The following PFN4 variants were observed in gnomAD, a reference collection of about 807,000 sequenced individuals.
PFN4 encodes profilin family member 4.
In PFN4, 10 loss-of-function variants were observed where a neutral mutation model predicts 16.3. The observed-to-expected ratio is 0.61, with a 90% CI of 0.38 to 1.04. The LOEUF is 1.04. PFN4 is among the 50% of genes least tolerant of loss of function. PFN4 has a pLI of 0.01. For missense variants in PFN4, 136 were observed against 153.6 expected, an observed-to-expected ratio of 0.89 and a Z score of 0.61; for synonymous variants, 54 against 56.9, an observed-to-expected ratio of 0.95 and a Z score of 0.23.
At chr2:24,115,907 CAAAA>C (rs35038662) in intron 4 of PFN4, among the ~76,000 whole-genome samples, 195 of 116,994 alleles carry the variant, frequency 1.7e-3, no homozygotes, top group Non-Finnish European at 2.9e-3. Context: ...GGTTCCCATG[CAAAA>C]AAAAAAAAAA....
chr2:24,122,504 G>T lies in PFN4; in HGVS notation c.32C>A (p.Thr11Asn). MSHLQSLLLDTLLGTKHVDSA... is the reference protein window; with the variant it reads MSHLQSLLLDNLLGTKHVDSA... ...GTCCACATGCTTGGTTCCCAAGAGG[G>T]TGTCTAACAATAAGCTCTGCAAATG... Residue 11 changes from threonine (T) to asparagine (N), a missense_variant, in exon 2 of 5, where the codon ACC becomes AAC. By Grantham distance (65) the Thr-to-Asn change is moderately conservative (BLOSUM62 0). Transcript: ENST00000313213. The T allele has an allele frequency of 6.2e-7, 1 of 1,614,064 alleles. No individual in the cohort carries two copies. Among genetic ancestry groups the T allele is most frequent in the Non-Finnish European group, 8.5e-7 (1 of 1,179,918 alleles).
chr2:24,119,560 C>T lies in PFN4; in HGVS notation c.361+17G>A. The T allele has an allele frequency of 6.3e-7, 1 of 1,596,830 alleles. No homozygotes were observed. The highest frequency in any genetic ancestry group is 8.6e-7 in the Non-Finnish European group (1 of 1,165,954). On this transcript the variant is annotated intron_variant, in intron 4 of 4. Transcript: ENST00000313213. ...CTAACATAGGGAATGAAGACAGGAACTAGGAGGCCAACTTACCCAGGCTCT... is the reference window on the plus strand; with the variant it reads ...CTAACATAGGGAATGAAGACAGGAATTAGGAGGCCAACTTACCCAGGCTCT...
rs1253112844 is a variant in PFN4 at position 24,123,195 on chromosome 2, G to A, written c.-90C>T. The A allele has an allele frequency of 6.6e-6, 1 of 152,394 alleles. No homozygotes were observed. Among genetic ancestry groups the A allele is most frequent in the Non-Finnish European group, 1.5e-5 (1 of 68,238 alleles). 9.4% of individuals were successfully genotyped at this position (152,394 alleles called of 1,614,324 possible). A position where few individuals can be genotyped will look rare whatever the true frequency, so the allele number is the denominator to read the frequency against. On this transcript the variant is annotated 5_prime_UTR_variant, in exon 1 of 5. Coordinates refer to ENST00000313213, the MANE Select transcript of PFN4 (RefSeq NM_199346.3). ...GAGCAGGACCCAAGGCGGGGCAGGG[G>A]GTGGTGAGCGGTGAATTCCCTGGCA...
rs1370163509 is a variant in PFN4, at chr2:24,119,500, G to T, written c.361+77C>A. 9 of 1,061,868 alleles carry T rather than the reference G, an allele frequency of 8.5e-6. No individual in the cohort carries two copies. In the South Asian group the frequency reaches 1.4e-4, roughly 16 times the overall value. The allele number at this position is 1,061,868 out of a possible 1,614,324, so 65.8% of individuals were successfully genotyped here. On this transcript the variant is annotated intron_variant, in intron 4 of 4. Coordinates refer to ENST00000313213, the MANE Select transcript of PFN4 (RefSeq NM_199346.3). Reference sequence around the variant, plus strand: ...CTCCTTTCTGCCCTAGCTGGTTTGAGTTGGATCTCTGTTACTCGTAGTCGG... The same window carrying T: ...CTCCTTTCTGCCCTAGCTGGTTTGATTTGGATCTCTGTTACTCGTAGTCGG...
chr2:24,117,349 C>T (rs1236627667), intron 4 of PFN4, among the ~76,000 whole-genome samples: 1 of 151,986 alleles, frequency 6.6e-6, no homozygotes, highest in Non-Finnish European at 1.5e-5. Context: ...GCATAGCATC[C>T]TTTTCCTGTC....
intron 2 of PFN4, among the ~76,000 whole-genome samples, chr2:24,121,555 T>TC (rs1232803199): frequency 6.6e-6 from 1 of 152,220 alleles, no homozygotes. Context: ...TGGCTGTTTT[T>TC]CCTCTACAAT....
chr2:24,116,510 T>A (rs1201878372), intron 4 of PFN4, among the ~76,000 whole-genome samples: 1 of 152,090 alleles, frequency 6.6e-6, no homozygotes, highest in Admixed American at 6.6e-5. Context: ...TTTTTTTTTA[T>A]ACAGAGTCTT....
At chr2:24,116,179 T>A (rs1457656136) in intron 4 of PFN4, among the ~76,000 whole-genome samples, 2 of 151,924 alleles carry the variant, frequency 1.3e-5, no homozygotes, top group African/African-American at 4.8e-5. Flanking sequence ...ATACAAAAAA[T>A]TAGCCAGGCA....
At chr2:24,122,026 A>C (rs1355560895) in intron 2 of PFN4, among the ~76,000 whole-genome samples, 1 of 152,212 alleles carries the variant, frequency 6.6e-6, no homozygotes, top group East Asian at 1.9e-4. Flanking sequence ...TTTACAGAAA[A>C]AGTTCATTTA....
Position 24,119,598 on chromosome 2 carries a change from C to T in PFN4, c.340G>A (p.Val114Met), listed in dbSNP as rs374927864. 6.2e-7 allele frequency: 1 copy of T among 1,613,668 alleles called. No individual in the cohort carries two copies. The highest frequency in any genetic ancestry group is 1.3e-5 in the African/African-American group (1 of 74,902). ...YTEGMYPSICVEATESLGDYL... is the reference protein window; with the variant it reads ...YTEGMYPSICMEATESLGDYL... Reference sequence around the variant, plus strand: ...TTACCCAGGCTCTCTGTGGCTTCCACACAGATGCTAGGATACATGCCCTCA... The same window carrying T: ...TTACCCAGGCTCTCTGTGGCTTCCATACAGATGCTAGGATACATGCCCTCA... The change falls in exon 4 of 5, where the codon GTG (valine) becomes ATG (methionine). Residue 114 changes from valine (V) to methionine (M), a missense_variant. Transcript: ENST00000313213.
At chr2:24,117,583 C>T (rs1665963511) in intron 4 of PFN4, among the ~76,000 whole-genome samples, 1 of 151,994 alleles carries the variant, frequency 6.6e-6, no homozygotes, top group Non-Finnish European at 1.5e-5. Context: ...GCAGGGATTA[C>T]AGGTACCCAC....
rs1666178459 is a variant in PFN4, at chr2:24,123,166, C to G, written c.-61G>C. 1 of 152,518 alleles carries G rather than the reference C, an allele frequency of 6.6e-6. No individual in the cohort carries two copies. The highest frequency in any genetic ancestry group is 1.5e-5 in the Non-Finnish European group (1 of 68,312). The allele number at this position is 152,518 out of a possible 1,614,324, so 9.4% of individuals were successfully genotyped here. ...CGCCACTGCCTTCCAGTGGTTTGGT[C>G]CCCGAGCAGGACCCAAGGCGGGGCA... On this transcript the variant is annotated 5_prime_UTR_variant, in exon 1 of 5. Coordinates refer to ENST00000313213, the MANE Select transcript of PFN4 (RefSeq NM_199346.3).
intron 3 of PFN4, among the ~76,000 whole-genome samples, chr2:24,120,888 T>TA (rs1452586957): frequency 6.8e-6 from 1 of 147,636 alleles, no homozygotes. Context: ...TTTTTTTTTT[T>TA]AAAGGAGGAT....
intron 4 of PFN4, among the ~76,000 whole-genome samples, chr2:24,115,981 G>A (rs1283723162): frequency 1.3e-5 from 2 of 151,108 alleles, no homozygotes; most frequent in Non-Finnish European, 2.9e-5. Context: ...GGGCTCAGGA[G>A]AATAAAAGAA....
At chr2:24,115,672 C>A in intron 4 of PFN4, 61 bp from the exon 5 acceptor site, 2 of 1,541,964 alleles carry the variant, frequency 1.3e-6, no homozygotes, top group South Asian at 1.1e-5. Flanking sequence ...ACAAATGATT[C>A]ATTCATCCAT....
At chr2:24,117,343 A>G (rs968097618) in intron 4 of PFN4, among the ~76,000 whole-genome samples, 5 of 152,124 alleles carry the variant, frequency 3.3e-5, no homozygotes, top group Non-Finnish European at 7.3e-5. Flanking sequence ...GAAGTAGCAT[A>G]GCATCCTTTT....
At chr2:24,122,388 A>G (rs1666146102) in intron 2 of PFN4, 31 bp downstream of exon 2, 1 of 1,446,548 alleles carries the variant, frequency 6.9e-7, no homozygotes, top group African/African-American at 1.4e-5. Flanking sequence ...TAAGTAAATC[A>G]AGTCTTAGGT....
chr2:24,121,472 T>C (rs568335063), intron 2 of PFN4, among the ~76,000 whole-genome samples, 172 bp from the exon 3 acceptor site: 1 of 152,368 alleles, frequency 6.6e-6, no homozygotes, highest in East Asian at 1.9e-4. Context: ...TTACAAATTA[T>C]ATGAAATTCA....
In PFN4 at chr2:24,115,623, C is replaced by G. The variant is rs777158237; in HGVS notation, c.362-12G>C. On this transcript the variant is annotated splice_polypyrimidine_tract_variant and intron_variant, in intron 4 of 4. Coordinates refer to ENST00000313213, the MANE Select transcript of PFN4 (RefSeq NM_199346.3). The stretch of plus-strand genomic sequence containing the variant: ...TCTTAGGTAGTCTCCTGAAAGCAAA[C>G]ACAGCATGGTTATTATTTATGAGCT... 6.2e-7 allele frequency: 1 copy of G among 1,612,244 alleles called. No individual in the cohort carries two copies. The highest frequency in any genetic ancestry group is 8.5e-7 in the Non-Finnish European group (1 of 1,179,002).
Sources: allele counts gnomAD v4.1 joint callset (sites outside exome capture counted in the v4.1 genomes callset), GRCh38; gene constraint gnomAD v4.1.1; transcripts MANE v1.5; gene names NCBI Gene and HGNC (gene_info 2026-07-23, HGNC 2026-07-21).